The following SMOC2 variants were observed in gnomAD, a reference collection of about 807,000 sequenced individuals.
SMOC2 encodes SPARC-related modular calcium-binding protein 2.
SMOC2 carries 39 observed loss-of-function variants against 61.4 expected under a neutral mutation model. The observed-to-expected ratio is 0.64, with a 90% CI of 0.49 to 0.83. SMOC2 has a LOEUF of 0.83. Ranked by LOEUF, SMOC2 falls within the 40% of genes least tolerant of loss-of-function variation. The pLI, the probability that SMOC2 is intolerant of heterozygous loss-of-function variation, is 0.00. For synonymous variants in SMOC2, 247 were observed against 239.9 expected, an observed-to-expected ratio of 1.03 and a Z score of -0.27; for missense variants, 556 against 592.9, an observed-to-expected ratio of 0.94 and a Z score of 0.65.
At chr6:168,543,350 A>G (rs1783915617) in intron 4 of SMOC2, among the ~76,000 whole-genome samples, 1 of 152,190 alleles carries the variant, frequency 6.6e-6, no homozygotes, top group Non-Finnish European at 1.5e-5. Flanking sequence ...TTTTGAGGTG[A>G]AGAGACTAAT....
intron 1 of SMOC2, among the ~76,000 whole-genome samples, chr6:168,474,395 C>T (rs1424448316): frequency 6.6e-6 from 1 of 152,076 alleles, no homozygotes; most frequent in Non-Finnish European, 1.5e-5. Context: ...TTGCTGATTC[C>T]ACCCTCTCGT....
At chr6:168,497,442 C>T (rs1782618500) in intron 1 of SMOC2, among the ~76,000 whole-genome samples, 1 of 152,204 alleles carries the variant, frequency 6.6e-6, no homozygotes, top group African/African-American at 2.4e-5. Flanking sequence ...TCATAGGTAT[C>T]TGTGGCCTCC....
chr6:168,471,761 T>G (rs1344027986), intron 1 of SMOC2, among the ~76,000 whole-genome samples: 1 of 152,240 alleles, frequency 6.6e-6, no homozygotes, highest in Admixed American at 6.5e-5. Context: ...ATGTATGTAT[T>G]TATTTTTGGA....
At chr6:168,500,974 G>A (rs1184325472) in intron 1 of SMOC2, among the ~76,000 whole-genome samples, 1 of 152,136 alleles carries the variant, frequency 6.6e-6, no homozygotes, top group African/African-American at 2.4e-5. Context: ...CGACAGAGTG[G>A]GCATTGCTTA....
intron 5 of SMOC2, among the ~76,000 whole-genome samples, chr6:168,546,492 G>A (rs768419099): frequency 2.0e-5 from 3 of 152,078 alleles, no homozygotes; most frequent in Non-Finnish European, 4.4e-5. Context: ...GGTGGTGTAG[G>A]GGCCTGTGAC....
chr6:168,469,445 T>C (rs964886805), intron 1 of SMOC2, among the ~76,000 whole-genome samples: 1 of 152,230 alleles, frequency 6.6e-6, no homozygotes. Context: ...CACTAGTTTA[T>C]ATAAACATGC....
rs1394588616 is a variant in SMOC2 at position 168,553,752 on chromosome 6, T to A, written c.637+4549T>A. 6.6e-6 allele frequency among the ~76,000 whole-genome samples: 1 copy of A among 152,194 alleles called. No homozygotes were observed. Among genetic ancestry groups the A allele is most frequent in the Non-Finnish European group, 1.5e-5 (1 of 68,026 alleles). Reference sequence around the variant, plus strand: ...GAGGCATCCAGGCTCACGGGACGGTTTCTGTATCACGGTTGCCATTTGCCA... The same window carrying A: ...GAGGCATCCAGGCTCACGGGACGGTATCTGTATCACGGTTGCCATTTGCCA... On this transcript the variant is annotated intron_variant, in intron 7 of 12. Coordinates refer to ENST00000356284, the MANE Select transcript of SMOC2 (RefSeq NM_001166412.2). This position sits in a 1 kb window ranked among gnomAD's most constrained non-coding sequence, Gnocchi z 4.2.
intron 9 of SMOC2, among the ~76,000 whole-genome samples, chr6:168,610,177 C>T (rs1785817672): frequency 1.3e-5 from 2 of 152,166 alleles, no homozygotes; most frequent in African/African-American, 4.8e-5. Context: ...ATGGGCACGT[C>T]AGAAACCATG....
intron 4 of SMOC2, among the ~76,000 whole-genome samples, chr6:168,532,579 C>T (rs926316925): frequency 7.9e-5 from 12 of 152,318 alleles, no homozygotes; most frequent in Admixed American, 6.5e-4. Flanking sequence ...CTCATCTCTC[C>T]TCTGTAACTG....
intron 4 of SMOC2, among the ~76,000 whole-genome samples, chr6:168,531,600 G>A (rs1783603784): frequency 6.6e-6 from 1 of 152,228 alleles, no homozygotes; most frequent in South Asian, 2.1e-4. Context: ...TGCCTTTGGG[G>A]ATGCTCTGGA....
At chr6:168,595,196 AGGG>A (rs1562369305) in intron 7 of SMOC2, among the ~76,000 whole-genome samples, 4 of 8,666 alleles carry the variant, frequency 4.6e-4, no homozygotes, top group African/African-American at 1.0e-3. Context: ...AGGCCTCACG[AGGG>A]GCATCTTTCT....
rs767906550 is a variant in SMOC2 at position 168,527,619 on chromosome 6, C to G, written c.364-9C>G. 5 of 1,547,424 alleles carry G rather than the reference C, an allele frequency of 3.2e-6. No homozygotes were observed. The highest frequency in any genetic ancestry group is 4.4e-6 in the Non-Finnish European group (5 of 1,144,746). On this transcript the variant is annotated splice_polypyrimidine_tract_variant and intron_variant, in intron 3 of 12. Transcript: ENST00000356284. ...CGGGAGGGCTTACCCGTCCTGTGCTCTCTCGCAGGTCCAGTGTCACAGCTA... is the reference window on the plus strand; with the variant it reads ...CGGGAGGGCTTACCCGTCCTGTGCTGTCTCGCAGGTCCAGTGTCACAGCTA...
chr6:168,515,685 C>G (rs973091475), intron 2 of SMOC2, among the ~76,000 whole-genome samples: 2 of 48,922 alleles, frequency 4.1e-5, no homozygotes, highest in East Asian at 1.6e-3. Context: ...TAGTCACTTA[C>G]ACACTCATCC....
At chr6:168,538,721 G>A (rs1158928773) in intron 4 of SMOC2, among the ~76,000 whole-genome samples, 223 of 138,272 alleles carry the variant, frequency 1.6e-3, no homozygotes, top group Non-Finnish European at 2.2e-3. Context: ...GGGGAGTGGG[G>A]TGACCGCTAC....
intron 1 of SMOC2, among the ~76,000 whole-genome samples, chr6:168,504,739 C>G (rs946373615): frequency 1.3e-5 from 2 of 152,056 alleles, no homozygotes; most frequent in African/African-American, 4.8e-5. Context: ...TACATTTCTG[C>G]CCTCTGGATT....
intron 9 of SMOC2, among the ~76,000 whole-genome samples, chr6:168,638,036 A>C (rs1583178582): frequency 8.2e-6 from 1 of 122,146 alleles, no homozygotes; most frequent in African/African-American, 3.1e-5. Flanking sequence ...ACATCTGCGC[A>C]CTCCCTGGCC....
intron 8 of SMOC2, among the ~76,000 whole-genome samples, chr6:168,604,069 C>T (rs1057181880): frequency 6.6e-6 from 1 of 152,342 alleles, no homozygotes. Context: ...GCAATGTTGC[C>T]GAGGACATTC....
chr6:168,652,320 G>C (rs764042854), intron 10 of SMOC2, among the ~76,000 whole-genome samples: 2 of 152,126 alleles, frequency 1.3e-5, no homozygotes, highest in Admixed American at 6.5e-5. Flanking sequence ...GGAATGTACA[G>C]CTCATCCCAA....
Position 168,604,800 on chromosome 6 carries a change from C to T in SMOC2, c.825-3357C>T, listed in dbSNP as rs538368972. The stretch of plus-strand genomic sequence containing the variant: ...TTTGTGGCAGACTCATCCCAAGGAC[C>T]ACAAGTACATGCCACTCTGCCCAGA... On this transcript the variant is annotated intron_variant, in intron 8 of 12. Transcript: ENST00000356284. 1.4e-3 allele frequency among the ~76,000 whole-genome samples: 212 copies of T among 152,294 alleles called. 2 individuals carry two copies. The highest frequency in any genetic ancestry group is 4.7e-3 in the African/African-American group (195 of 41,570).
Sources: allele counts gnomAD v4.1 joint callset (sites outside exome capture counted in the v4.1 genomes callset), GRCh38; gene constraint gnomAD v4.1.1; non-coding constraint Gnocchi (gnomAD v3.1); transcripts MANE v1.5; gene names NCBI Gene and HGNC (gene_info 2026-07-23, HGNC 2026-07-21).